Variants in MEGF11 observed in about 807,000 individuals in gnomAD.
MEGF11 encodes the protein multiple epidermal growth factor-like domains protein 11.
A neutral mutation model predicts 146.6 loss-of-function variants in MEGF11; 126 were observed. That is an observed-to-expected ratio of 0.86 (90% CI 0.74 to 1.00). The LOEUF is 1.00. Among genes scored for constraint, MEGF11 ranks in the 50% least tolerant of loss-of-function variants. The pLI is 0.00. For synonymous variants in MEGF11, 532 were observed against 583.4 expected (o/e 0.91, Z 1.27); for missense variants, 1,509 against 1,521.2 (o/e 0.99, Z 0.13).
At chr15:65,990,777 A>G (rs1432639972) in intron 5 of MEGF11, among the ~76,000 whole-genome samples, 1 of 152,182 alleles carries the variant, frequency 6.6e-6, no homozygotes, top group Non-Finnish European at 1.5e-5. Context: ...TAAATGCTGG[A>G]GACTCTTCAA....
chr15:65,985,953 A>ATTTT (rs60520972), intron 5 of MEGF11, among the ~76,000 whole-genome samples: 6,656 of 140,254 alleles, frequency 0.047, 244 homozygotes, highest in Non-Finnish European at 0.07. Flanking sequence ...TTGTGTCTGC[A>ATTTT]TTTTTTTTTT....
chr15:65,930,881 A>G lies in MEGF11; in HGVS notation c.1350T>C (p.Cys450=). Residue 450 remains cysteine, a synonymous_variant, in exon 11 of 26, where the codon TGT becomes TGC. Coordinates refer to ENST00000395614, the MANE Select transcript of MEGF11 (RefSeq NM_001385028.1). The part of the protein sequence containing the change: ...GTYGPNCSSI[C]SCNNGGTCSP... ...AGCAGGTGCCACCATTGTTACAGCT[A>G]CAGATGGACGAGCAGTTGGGGCCAT... The G allele has an allele frequency of 6.2e-7, 1 of 1,611,778 alleles. No homozygotes were observed. The highest frequency in any genetic ancestry group is 8.5e-7 in the Non-Finnish European group (1 of 1,178,816).
chr15:65,950,877 C>A (rs965028436), intron 10 of MEGF11, among the ~76,000 whole-genome samples: 1 of 152,264 alleles, frequency 6.6e-6, no homozygotes, highest in Non-Finnish European at 1.5e-5. Flanking sequence ...GAGAAGCCAA[C>A]AGGTAGAGTC....
At chr15:66,114,389 G>A (rs1490669976) in intron 4 of MEGF11, among the ~76,000 whole-genome samples, 2 of 152,196 alleles carry the variant, frequency 1.3e-5, no homozygotes, top group Non-Finnish European at 2.9e-5. Flanking sequence ...CTAATATGAA[G>A]AAGAAATTAA....
Position 66,239,459 on chromosome 15 carries a change from C to T in MEGF11, c.-9+14146G>A, listed in dbSNP as rs1156606236. On this transcript the variant is annotated intron_variant, in intron 1 of 25. Coordinates refer to ENST00000395614, the MANE Select transcript of MEGF11 (RefSeq NM_001385028.1). ...GGAAGGCCCAGACTCCAGCACCTGG[C>T]CCCAGTCGTGAATTGATTCATTGAT... 2.6e-5 allele frequency among the ~76,000 whole-genome samples: 4 copies of T among 152,220 alleles called. 1 individual carries two copies. The highest frequency in any genetic ancestry group is 9.7e-5 in the African/African-American group (4 of 41,450).
chr15:65,947,498 C>T (rs2080242614), intron 10 of MEGF11, among the ~76,000 whole-genome samples: 1 of 152,302 alleles, frequency 6.6e-6, no homozygotes, highest in South Asian at 2.1e-4. Flanking sequence ...GGGGATGCTA[C>T]AGCCCCACCC....
At chr15:66,083,495 C>T (rs1749289913) in intron 5 of MEGF11, among the ~76,000 whole-genome samples, 1 of 151,888 alleles carries the variant, frequency 6.6e-6, no homozygotes, top group African/African-American at 2.4e-5. Context: ...GATCAAAGAC[C>T]TAAATGTAGG....
chr15:65,998,475 G>T (rs1051086173), intron 5 of MEGF11, among the ~76,000 whole-genome samples: 2 of 152,178 alleles, frequency 1.3e-5, no homozygotes, highest in African/African-American at 4.8e-5. Flanking sequence ...TACACAAACC[G>T]AGACTTCTTA....
chr15:66,105,723 G>T (rs1329363193), intron 4 of MEGF11, among the ~76,000 whole-genome samples: 1 of 152,246 alleles, frequency 6.6e-6, no homozygotes, highest in African/African-American at 2.4e-5. Flanking sequence ...AATTTCTGCA[G>T]CTTATGCATT....
intron 1 of MEGF11, among the ~76,000 whole-genome samples, chr15:66,166,631 T>C (rs2090105585): frequency 6.6e-6 from 1 of 152,014 alleles, no homozygotes; most frequent in African/African-American, 2.4e-5. Context: ...TCCAGCCTGA[T>C]GGTCCTCCTG....
rs2078358652 is a variant in MEGF11, at chr15:65,896,325, G to A, written c.*1609C>T. 6.6e-6 allele frequency: 1 copy of A among 152,618 alleles called. No individual in the cohort carries two copies. Among genetic ancestry groups the A allele is most frequent in the Non-Finnish European group, 1.5e-5 (1 of 68,040 alleles). 9.5% of individuals were successfully genotyped at this position (152,618 alleles called of 1,614,324 possible). On this transcript the variant is annotated 3_prime_UTR_variant, in exon 26 of 26. Coordinates refer to ENST00000395614, the MANE Select transcript of MEGF11 (RefSeq NM_001385028.1). ...AAAATCTGCTTATGCCTTGAGTGAT[G>A]TGGGAAGGGGAGATGTACTCATTTA...
Position 65,906,118 on chromosome 15 carries a change from G to A in MEGF11, c.3022C>T (p.Gln1008Ter). The change falls in exon 24 of 26, where the codon CAG becomes TAG. Residue 1008 changes from glutamine (Q) to a stop codon, truncating the protein, a stop_gained. Coordinates refer to ENST00000395614, the MANE Select transcript of MEGF11 (RefSeq NM_001385028.1). LOFTEE classifies it high-confidence loss of function. The part of the protein sequence containing the change: ...SPGACGMDRR[Q>*]NTYIMDKGFK... The stretch of plus-strand genomic sequence containing the variant: ...CCTTTGTCCATAATGTATGTGTTCT[G>A]ACGTCTATCCATTCCACAAGCACCT... 1 of 1,610,902 alleles carries A rather than the reference G, an allele frequency of 6.2e-7. No homozygotes were observed. Among genetic ancestry groups the A allele is most frequent in the Non-Finnish European group, 8.5e-7 (1 of 1,178,486 alleles).
chr15:65,937,688 C>T (rs537123690), intron 10 of MEGF11, among the ~76,000 whole-genome samples: 3 of 152,216 alleles, frequency 2.0e-5, no homozygotes, highest in African/African-American at 7.2e-5. Flanking sequence ...CTAGTGGCAG[C>T]CTCTTGTCCA....
intron 5 of MEGF11, among the ~76,000 whole-genome samples, chr15:66,072,691 G>A (rs1202617796): frequency 2.6e-5 from 4 of 152,180 alleles, no homozygotes; most frequent in Non-Finnish European, 2.9e-5. Flanking sequence ...GAAAACCTTG[G>A]GAAGCTGGTC....
At chr15:66,017,711 T>C (rs1157714193) in intron 5 of MEGF11, among the ~76,000 whole-genome samples, 3 of 152,212 alleles carry the variant, frequency 2.0e-5, no homozygotes, top group African/African-American at 7.2e-5. Flanking sequence ...CCAGAGGCTA[T>C]TTGCTGATGT....
At chr15:66,175,323 C>A (rs185855564) in intron 1 of MEGF11, among the ~76,000 whole-genome samples, 1 of 151,928 alleles carries the variant, frequency 6.6e-6, no homozygotes, top group African/African-American at 2.4e-5. Context: ...AAAAACAACC[C>A]GAAAATGCGT....
At chr15:66,039,073 C>A (rs2083842967) in intron 5 of MEGF11, among the ~76,000 whole-genome samples, 1 of 152,114 alleles carries the variant, frequency 6.6e-6, no homozygotes, top group South Asian at 2.1e-4. Flanking sequence ...CTCAGCCCTA[C>A]CAAAGGAGAA....
chr15:65,955,222 T>A (rs1042784038), intron 10 of MEGF11, among the ~76,000 whole-genome samples: 2 of 152,104 alleles, frequency 1.3e-5, no homozygotes, highest in South Asian at 2.1e-4. Context: ...TATTCTCTCC[T>A]ACCCAAATTC....
chr15:66,012,089 G>A (rs1045262822), intron 5 of MEGF11, among the ~76,000 whole-genome samples: 1 of 151,512 alleles, frequency 6.6e-6, no homozygotes, highest in African/African-American at 2.4e-5. Flanking sequence ...TTAGCCAGGC[G>A]TGGTGGCACA....
Sources: gnomAD v4.1 joint callset for allele counts (sites outside exome capture counted in the v4.1 genomes callset) on GRCh38, gnomAD v4.1.1 for gene constraint, MANE v1.5 for transcripts, NCBI Gene and HGNC (gene_info 2026-07-23, HGNC 2026-07-21) for gene names.